The following NEK3 variants were observed in gnomAD, a reference collection of about 807,000 sequenced individuals.
NEK3 encodes NIMA related kinase 3.
NEK3 carries 54 observed loss-of-function variants against 66.0 expected under a neutral mutation model. That is an observed-to-expected ratio of 0.82 (90% CI 0.66 to 1.03). The LOEUF (loss-of-function observed/expected upper bound fraction) is 1.03. Among genes scored for constraint, NEK3 ranks in the 50% least tolerant of loss-of-function variants. NEK3 has a pLI of 0.00. For missense variants in NEK3, 593 were observed against 603.0 expected (o/e 0.98, Z 0.17); for synonymous variants, 200 against 206.2 (o/e 0.97, Z 0.26).
intron 7 of NEK3, among the ~76,000 whole-genome samples, chr13:52,150,352 T>C (rs926995563): frequency 6.6e-6 from 1 of 152,220 alleles, no homozygotes; most frequent in Admixed American, 6.5e-5. Flanking sequence ...TAGTAAAATA[T>C]ATGTAGCCAT....
intron 7 of NEK3, 104 bp downstream of exon 7, chr13:52,151,042 G>T: frequency 1.2e-6 from 1 of 809,040 alleles, no homozygotes. Context: ...AAACCAATAT[G>T]ATCCATGCAT....
At chr13:52,155,876 T>A (rs1956391035) in intron 2 of NEK3, among the ~76,000 whole-genome samples, 199 bp downstream of exon 2, 1 of 151,962 alleles carries the variant, frequency 6.6e-6, no homozygotes, top group East Asian at 1.9e-4. Context: ...AGAGACGGGT[T>A]TTCCCCATGT....
chr13:52,133,866 T>C (rs1013543909), intron 14 of NEK3, 51 bp from the exon 15 acceptor site: 3 of 1,529,194 alleles, frequency 2.0e-6, no homozygotes, highest in Non-Finnish European at 2.7e-6. Flanking sequence ...TATTTACTTA[T>C]TTCATGCAGT....
intron 11 of NEK3, among the ~76,000 whole-genome samples, chr13:52,140,014 T>C (rs946086566): frequency 3.9e-5 from 4 of 102,368 alleles, no homozygotes; most frequent in Non-Finnish European, 5.7e-5. Context: ...CCAGCCCAGG[T>C]AACATAGCAA....
intron 8 of NEK3, 94 bp downstream of exon 8, chr13:52,148,321 C>G: frequency 8.3e-7 from 1 of 1,201,206 alleles, no homozygotes; most frequent in Non-Finnish European, 1.2e-6. Flanking sequence ...TGACTTCATC[C>G]TAGGGAAGCA....
chr13:52,146,422 G>A (rs1956296296), intron 8 of NEK3, among the ~76,000 whole-genome samples: 2 of 152,090 alleles, frequency 1.3e-5, no homozygotes, highest in Admixed American at 6.6e-5. Context: ...TTTCCTAAAG[G>A]TTTGAGAACA....
intron 11 of NEK3, among the ~76,000 whole-genome samples, chr13:52,139,610 A>G (rs763776055): frequency 1.3e-5 from 2 of 152,184 alleles, no homozygotes; most frequent in Non-Finnish European, 2.9e-5. Flanking sequence ...TAAAAAAACA[A>G]AAAGCAGGCC....
rs1163110162 is a variant in NEK3 at position 52,144,812 on chromosome 13, T to A, written c.683A>T (p.Tyr228Phe). The stretch of plus-strand genomic sequence containing the variant: ...CTGCTTGACTAGGAACTGAAGTTCA[T>A]AGGAGTAATGAGACGGCAGTGGACT... ...CISPLPSHYS[Y>F]ELQFLVKQMF... Residue 228 changes from tyrosine (Y) to phenylalanine (F), a missense_variant, in exon 9 of 16, where the codon TAT becomes TTT. By Grantham distance (22) the Tyr-to-Phe change is conservative (BLOSUM62 3). Coordinates refer to ENST00000610828, the MANE Select transcript of NEK3 (RefSeq NM_002498.3). 1 of 1,613,330 alleles carries A rather than the reference T, an allele frequency of 6.2e-7. No individual in the cohort carries two copies. The highest frequency in any genetic ancestry group is 1.7e-5 in the Admixed American group (1 of 59,944).
rs186455363 is a variant in NEK3 at position 52,147,194 on chromosome 13, G to A, written c.603+1221C>T. Among the ~76,000 whole-genome samples the A allele has an allele frequency of 1.1e-3, 170 of 152,240 alleles. 1 individual carries two copies. The highest frequency in any genetic ancestry group is 3.9e-3 in the African/African-American group (162 of 41,548). On this transcript the variant is annotated intron_variant, in intron 8 of 15. Transcript: ENST00000610828. ...GCAAAAAGCTGAGGAAAAAAATGAC[G>A]CGGCCACTCTTGCAAAGTTTGCTGT...
intron 7 of NEK3, among the ~76,000 whole-genome samples, chr13:52,149,432 C>T (rs749390102): frequency 6.6e-6 from 1 of 152,136 alleles, no homozygotes; most frequent in African/African-American, 2.4e-5. Flanking sequence ...TTTTTACCAA[C>T]TATTTCCCCG....
intron 5 of NEK3, among the ~76,000 whole-genome samples, 170 bp from the exon 6 acceptor site, chr13:52,151,562 C>G (rs1829903892): frequency 6.6e-6 from 1 of 152,150 alleles, no homozygotes; most frequent in South Asian, 2.1e-4. Flanking sequence ...CTAGACATTC[C>G]CCTGCATGGA....
At chr13:52,136,441 A>G (rs1317286723) in intron 12 of NEK3, among the ~76,000 whole-genome samples, 182 bp from the exon 13 acceptor site, 2 of 152,160 alleles carry the variant, frequency 1.3e-5, no homozygotes, top group Non-Finnish European at 2.9e-5. Context: ...AAAATCCAAA[A>G]TGAAAAATTA....
chr13:52,148,786 T>C (rs903454816), intron 7 of NEK3, among the ~76,000 whole-genome samples: 2 of 152,188 alleles, frequency 1.3e-5, no homozygotes, highest in African/African-American at 4.8e-5. Flanking sequence ...GCATCCAGTG[T>C]AGTTTCTATT....
intron 15 of NEK3, 53 bp downstream of exon 15, chr13:52,133,636 C>CACACAT: frequency 6.5e-7 from 1 of 1,527,834 alleles, no homozygotes; most frequent in Non-Finnish European, 8.8e-7. Context: ...CACACACACA[C>CACACAT]ACACACACAC....
At position 52,135,815 on chromosome 13, in the gene NEK3, A is replaced by G. The variant is rs1182067131; in HGVS notation, c.1223T>C (p.Leu408Pro). Residue 408 changes from leucine (L) to proline (P), a missense_variant, in exon 14 of 16, where the codon CTC becomes CCC. By Grantham distance (98) the Leu-to-Pro change is moderately conservative. Coordinates refer to ENST00000610828, the MANE Select transcript of NEK3 (RefSeq NM_002498.3). ...CAACAAAGTGTCAGGGGTCTCTTTG[A>G]GCCACTGCTTACGAGTAGTATTTTT... ...YSKNTTRKQW[L>P]KETPDTLLNI... 2 of 1,613,700 alleles carry G rather than the reference A, an allele frequency of 1.2e-6. No homozygotes were observed. The highest frequency in any genetic ancestry group is 1.1e-5 in the South Asian group (1 of 91,050).
rs147414042 is a variant in NEK3, at chr13:52,132,919, A to G, written c.*223T>C. ...TGGGACTGCAAAGCCCGATGCTCACACTCATTCCACTATACCTTCTCCCTT... is the reference window on the plus strand; with the variant it reads ...TGGGACTGCAAAGCCCGATGCTCACGCTCATTCCACTATACCTTCTCCCTT... On this transcript the variant is annotated 3_prime_UTR_variant, in exon 16 of 16. Coordinates refer to ENST00000610828, the MANE Select transcript of NEK3 (RefSeq NM_002498.3). The G allele has an allele frequency of 8.1e-6, 4 of 493,830 alleles. No homozygotes were observed. The highest frequency in any genetic ancestry group is 3.8e-5 in the African/African-American group (2 of 52,274). The allele number at this position is 493,830 out of a possible 1,614,324, so 30.6% of individuals were successfully genotyped here.
Position 52,136,830 on chromosome 13 carries a change from C to G in NEK3, c.1000G>C (p.Ala334Pro). The change falls in exon 12 of 16, where the codon GCA becomes CCA. Residue 334 changes from alanine to proline, a missense_variant. Transcript: ENST00000610828. ...ESINENLVESALRRVNREEKG... is the reference protein window; with the variant it reads ...ESINENLVESPLRRVNREEKG... ...TCTTCTCTGTTTACTCTTCTCAATG[C>G]ACTTTCAACTAAATTTTCATTAATG... The G allele has an allele frequency of 6.4e-7, 1 of 1,568,088 alleles. No individual in the cohort carries two copies. The highest frequency in any genetic ancestry group is 8.7e-7 in the Non-Finnish European group (1 of 1,154,754).
chr13:52,144,874 C>G lies in NEK3; in HGVS notation c.621G>C (p.Trp207Cys), dbSNP rs781669316. Reference protein sequence around the residue: ...TLKHPFQANSWKNLILKVCQG... With the variant: ...TLKHPFQANSCKNLILKVCQG... ...GACATACTTTGAGGATAAGATTTTT[C>G]CAACTATTTGCCTGAAACTGAAAAG... The change falls in exon 9 of 16, where the codon TGG becomes TGC. Residue 207 changes from tryptophan (W) to cysteine (C), a missense_variant. Transcript: ENST00000610828. 7 of 1,603,798 alleles carry G rather than the reference C, an allele frequency of 4.4e-6. No individual in the cohort carries two copies. The Admixed American group carries it at 5.2e-5, about 12-fold the overall frequency.
rs17069419 is a variant in NEK3, at chr13:52,151,239, C to T, written c.462-7G>A. ...ACAAGCAAATGCCATCGGACTAAAACCATAAAAAGGCAACGAATGATTACA... is the reference window on the plus strand; with the variant it reads ...ACAAGCAAATGCCATCGGACTAAAATCATAAAAAGGCAACGAATGATTACA... On this transcript the variant is annotated splice_region_variant and splice_polypyrimidine_tract_variant and intron_variant, in intron 6 of 15. Coordinates refer to ENST00000610828, the MANE Select transcript of NEK3 (RefSeq NM_002498.3). 0.026 allele frequency: 41,028 copies of T among 1,605,144 alleles called. 1,324 individuals carry two copies. The highest frequency in any genetic ancestry group is 0.16 in the African/African-American group (11,627 of 74,850).
Sources: allele counts gnomAD v4.1 joint callset (sites outside exome capture counted in the v4.1 genomes callset), GRCh38; gene constraint gnomAD v4.1.1; transcripts MANE v1.5; gene names NCBI Gene and HGNC (gene_info 2026-07-23, HGNC 2026-07-21).